GON4L: variants seen among roughly 807,000 people sequenced by gnomAD.
The protein encoded by GON4L is GON-4-like protein.
Under a neutral mutation model 211.8 loss-of-function variants are expected in GON4L, and 87 were observed. The ratio of observed to expected loss-of-function variants is 0.41; its 90% CI spans 0.35 to 0.49. The LOEUF is 0.49. GON4L is among the 20% of genes least tolerant of loss of function. The pLI is 0.15. For missense variants in GON4L, 2,155 were observed against 2,659.5 expected, an observed-to-expected ratio of 0.81 and a Z score of 4.17; for synonymous variants, 875 against 962.6, an observed-to-expected ratio of 0.91 and a Z score of 1.68.
chr1:155,777,678 G>A lies in GON4L; in HGVS notation c.2035C>T (p.Gln679Ter). Residue 679 changes from glutamine (Q) to a stop codon, truncating the protein, a stop_gained, in exon 15 of 32, where the codon CAG becomes TAG. Coordinates refer to ENST00000368331, the MANE Select transcript of GON4L (RefSeq NM_001282860.2). LOFTEE classifies it high-confidence loss of function. ...KVKPQSEKVHQTLILDPAQRK... is the reference protein window; with the variant it reads ...KVKPQSEKVH Reference sequence around the variant, plus strand: ...TGTGCTGGGTCCAGAATCAGAGTCTGATGAACTTTCTCACTCTGGGGTTTA... The same window carrying A: ...TGTGCTGGGTCCAGAATCAGAGTCTAATGAACTTTCTCACTCTGGGGTTTA... 6.2e-7 allele frequency: 1 copy of A among 1,613,840 alleles called. No individual in the cohort carries two copies. Among genetic ancestry groups the A allele is most frequent in the Non-Finnish European group, 8.5e-7 (1 of 1,179,738 alleles).
At chr1:155,759,957 T>A (rs867463120) in intron 24 of GON4L, among the ~76,000 whole-genome samples, 33 of 138,228 alleles carry the variant, frequency 2.4e-4, no homozygotes, top group African/African-American at 7.8e-4. Flanking sequence ...TAATTTATAT[T>A]TTATATATTA....
At chr1:155,821,839 C>T (rs1404034899) in intron 4 of GON4L, among the ~76,000 whole-genome samples, 4 of 152,192 alleles carry the variant, frequency 2.6e-5, no homozygotes, top group African/African-American at 4.8e-5. Flanking sequence ...TAACTATATG[C>T]TTAAGAGAAA....
At chr1:155,830,399 T>A (rs1224162459) in intron 2 of GON4L, among the ~76,000 whole-genome samples, 1 of 151,510 alleles carries the variant, frequency 6.6e-6, no homozygotes, top group African/African-American at 2.4e-5. Context: ...TGGCTCAGCC[T>A]CCCGAGTGGC....
chr1:155,848,897 C>T (rs1404969754), intron 2 of GON4L, among the ~76,000 whole-genome samples: 1 of 152,192 alleles, frequency 6.6e-6, no homozygotes, highest in African/African-American at 2.4e-5. Context: ...CCTGTAATCC[C>T]AGCACTTTGG....
intron 28 of GON4L, among the ~76,000 whole-genome samples, chr1:155,753,629 T>C (rs6427287): frequency 0.47 from 71,676 of 151,882 alleles, 19,000 homozygotes; most frequent in African/African-American, 0.72. Flanking sequence ...CACTTGAGCC[T>C]AAGGGTTCAA....
chr1:155,754,330 C>A lies in GON4L; in HGVS notation c.5631+45G>T, dbSNP rs772497061. ...GTACAATTCTTGGTAGCAAACAATC[C>A]CCCAGCAGCTCTGATACCCTCGGGA... On this transcript the variant is annotated intron_variant, in intron 28 of 31. Coordinates refer to ENST00000368331, the MANE Select transcript of GON4L (RefSeq NM_001282860.2). The A allele has an allele frequency of 2.0e-5, 23 of 1,135,384 alleles. No individual in the cohort carries two copies. The South Asian group carries it at 2.8e-4, about 14-fold the overall frequency. 70.3% of individuals were successfully genotyped at this position (1,135,384 alleles called of 1,614,324 possible).
intron 6 of GON4L, among the ~76,000 whole-genome samples, chr1:155,818,492 T>C (rs553979337): frequency 1.3e-5 from 2 of 152,316 alleles, no homozygotes; most frequent in Non-Finnish European, 2.9e-5. Flanking sequence ...CTACCACCTA[T>C]TCATTTGTGA....
chr1:155,771,030 G>A (rs1227250273), intron 19 of GON4L, 37 bp downstream of exon 19: 1 of 1,613,614 alleles, frequency 6.2e-7, no homozygotes, highest in African/African-American at 1.3e-5. Context: ...GTACATATTG[G>A]TGAGGTGCCC....
At chr1:155,832,871 A>G (rs1669928429) in intron 2 of GON4L, 1 of 152,056 alleles carries the variant, frequency 6.6e-6, no homozygotes, top group Admixed American at 6.6e-5. Flanking sequence ...TTTCTCCTTT[A>G]AAGTTTTCAA....
intron 21 of GON4L, chr1:155,764,497 T>C: frequency 3.9e-6 from 1 of 259,164 alleles, no homozygotes; most frequent in Non-Finnish European, 7.4e-6. Flanking sequence ...TGGAGAGCAA[T>C]GACGTGATCT....
chr1:155,853,287 T>G lies in GON4L; in HGVS notation c.494A>C (p.Lys165Thr). The part of the protein sequence containing the change: ...PFSGEPSEEV[K>T]EEGGKPQMNS... Reference sequence around the variant, plus strand: ...CTTGTATACCTTACCTCCTTCTTCCTTGACTTCTTCACTAGGCTCTCCTGA... The same window carrying G: ...CTTGTATACCTTACCTCCTTCTTCCGTGACTTCTTCACTAGGCTCTCCTGA... Residue 165 changes from lysine (K) to threonine (T), a missense_variant, in exon 2 of 32, where the codon AAG (lysine) becomes ACG (threonine). Lys to Thr is a moderately conservative substitution (Grantham distance 78). Transcript: ENST00000368331. 1 of 1,613,842 alleles carries G rather than the reference T, an allele frequency of 6.2e-7. No homozygotes were observed. Among genetic ancestry groups the G allele is most frequent in the Non-Finnish European group, 8.5e-7 (1 of 1,179,678 alleles).
intron 27 of GON4L, among the ~76,000 whole-genome samples, chr1:155,755,289 G>A (rs150886373): frequency 7.9e-5 from 12 of 152,006 alleles, no homozygotes; most frequent in East Asian, 5.8e-4. Context: ...GGCTGGTTTC[G>A]AACTCCTGAC....
chr1:155,828,507 A>G (rs995285829), intron 2 of GON4L, among the ~76,000 whole-genome samples: 8 of 149,494 alleles, frequency 5.4e-5, no homozygotes, highest in African/African-American at 2.0e-4. Context: ...CAAAACAAAC[A>G]AACAAACCAA....
At chr1:155,854,960 G>A (rs757846816) in intron 1 of GON4L, among the ~76,000 whole-genome samples, 9 of 151,770 alleles carry the variant, frequency 5.9e-5, no homozygotes, top group South Asian at 4.2e-4. Context: ...ACTTGAACCC[G>A]GAGACAGAGG....
chr1:155,855,036 CAAA>C (rs1194347404), intron 1 of GON4L, among the ~76,000 whole-genome samples: 3 of 92,258 alleles, frequency 3.3e-5, no homozygotes, highest in African/African-American at 4.0e-5. Flanking sequence ...AACTCCATCT[CAAA>C]AAAAAAAAAA....
At chr1:155,756,499 C>T (rs16837037) in intron 27 of GON4L, 10,672 of 165,296 alleles carry the variant, frequency 0.065, 449 homozygotes, top group African/African-American at 0.12. Flanking sequence ...GTTTGTTCTC[C>T]GTGATCGTCT....
At chr1:155,846,142 G>A (rs1671212785) in intron 2 of GON4L, 1 of 231,506 alleles carries the variant, frequency 4.3e-6, no homozygotes, top group Non-Finnish European at 9.9e-6. Context: ...TGGTAGCAGT[G>A]TACTTGGCCT....
upstream of GON4L, among the ~76,000 whole-genome samples, chr1:155,857,539 G>C (rs896524376): frequency 2.0e-5 from 3 of 152,160 alleles, no homozygotes; most frequent in African/African-American, 7.2e-5. Flanking sequence ...AGATCACCCT[G>C]GCTAACATGG....
At chr1:155,748,655 C>T, downstream of GON4L, 3 of 1,613,470 alleles carry the variant, frequency 1.9e-6, no homozygotes, top group Non-Finnish European at 2.5e-6. Context: ...CAGGCCAGTC[C>T]CTTCCTGATT....
Sources: allele counts gnomAD v4.1 joint callset (sites outside exome capture counted in the v4.1 genomes callset), GRCh38; gene constraint gnomAD v4.1.1; transcripts MANE v1.5; gene names NCBI Gene and HGNC (gene_info 2026-07-23, HGNC 2026-07-21).